The following PACRG variants were observed in gnomAD, a reference collection of about 807,000 sequenced individuals.
PACRG encodes parkin coregulated gene protein.
In PACRG, 29 loss-of-function variants were observed where a neutral mutation model predicts 29.7. The observed-to-expected ratio is 0.98, with a 90% CI of 0.73 to 1.33. PACRG has a LOEUF of 1.33. Among genes scored for constraint, PACRG ranks in the 40% most tolerant of loss-of-function variants. The probability of loss-of-function intolerance (pLI) is 0.00; values close to 1 mark genes in which losing one functional copy is unlikely to be tolerated. For missense variants in PACRG, 279 were observed against 316.2 expected, an observed-to-expected ratio of 0.88 and a Z score of 0.89; for synonymous variants, 116 against 118.7, an observed-to-expected ratio of 0.98 and a Z score of 0.15.
intron 2 of PACRG, among the ~76,000 whole-genome samples, chr6:162,987,566 T>C (rs1390654394): frequency 6.6e-6 from 1 of 152,148 alleles, no homozygotes. Context: ...CTACATACAC[T>C]CTCTTGCCTG....
chr6:163,186,511 C>A (rs1779942757), intron 4 of PACRG, among the ~76,000 whole-genome samples: 1 of 152,152 alleles, frequency 6.6e-6, no homozygotes, highest in Non-Finnish European at 1.5e-5. Context: ...GGTGGAGAGG[C>A]CTGTTTTGCC....
rs968278455 is a variant in PACRG, at chr6:163,055,126, G to A, written c.292-7024G>A. Among the ~76,000 whole-genome samples the A allele has an allele frequency of 1.3e-5, 2 of 152,176 alleles. No homozygotes were observed. Among genetic ancestry groups the A allele is most frequent in the Non-Finnish European group, 2.9e-5 (2 of 68,036 alleles). On this transcript the variant is annotated intron_variant, in intron 2 of 4. Coordinates refer to ENST00000366888, the MANE Select transcript of PACRG (RefSeq NM_001080379.2). This position sits in a 1 kb window ranked among gnomAD's most constrained non-coding sequence, Gnocchi z 4.0. ...TTAAAGAGGGAACGGGAATGAGGAA[G>A]CAAGGACAGTGATGATAAAGAATTC...
chr6:163,308,017 C>A (rs568889012), intron 4 of PACRG, among the ~76,000 whole-genome samples: 4 of 152,102 alleles, frequency 2.6e-5, no homozygotes, highest in Non-Finnish European at 5.9e-5. Context: ...TAAATTCAGT[C>A]CAAGCTAACC....
At chr6:162,984,703 T>A (rs1297294667) in intron 2 of PACRG, among the ~76,000 whole-genome samples, 1 of 152,022 alleles carries the variant, frequency 6.6e-6, no homozygotes, top group African/African-American at 2.4e-5. Context: ...ATGGCCATTC[T>A]TGCAGGAGTG....
chr6:163,180,152 C>T (rs1434700087), intron 4 of PACRG, among the ~76,000 whole-genome samples: 1 of 152,210 alleles, frequency 6.6e-6, no homozygotes, highest in African/African-American at 2.4e-5. Context: ...TGGCTGCTGA[C>T]CAGCATCTCT....
intron 2 of PACRG, among the ~76,000 whole-genome samples, chr6:162,939,896 T>C (rs1001909823): frequency 1.3e-5 from 2 of 152,226 alleles, no homozygotes; most frequent in African/African-American, 4.8e-5. Context: ...TTAAGAACCA[T>C]ACAGTAAATT....
intron 1 of PACRG, among the ~76,000 whole-genome samples, chr6:162,775,362 C>T (rs938944988): frequency 6.6e-6 from 1 of 152,176 alleles, no homozygotes; most frequent in African/African-American, 2.4e-5. Flanking sequence ...CTGTGCTTAC[C>T]TGTTACTAGT....
intron 4 of PACRG, among the ~76,000 whole-genome samples, chr6:163,269,941 AAGAAAG>A: frequency 3.0e-5 from 1 of 33,576 alleles, no homozygotes; most frequent in Admixed American, 2.6e-4. Context: ...CAAAGAAAGA[AAGAAAG>A]AAAGAAAGAA....
chr6:162,728,289 G>A lies in PACRG; in HGVS notation c.54G>A (p.Pro18=), dbSNP rs1779432653. The change falls in exon 1 of 5, where the codon CCG becomes CCA. Residue 18 remains proline, a synonymous_variant. Transcript: ENST00000366888. ...LSLNKCPDKM[P]KRTKLLAQQP... is the part of the protein sequence containing the mutation. ...TAAACAAATGCCCAGACAAGATGCC[G>A]AAGAGGACCAAGCTGCTGGCACAAC... The A allele has an allele frequency of 2.5e-6, 4 of 1,613,918 alleles. No individual in the cohort carries two copies. Among genetic ancestry groups the A allele is most frequent in the East Asian group, 2.2e-5 (1 of 44,888 alleles).
chr6:163,266,805 A>G (rs891011923), intron 4 of PACRG, among the ~76,000 whole-genome samples: 1 of 152,154 alleles, frequency 6.6e-6, no homozygotes, highest in African/African-American at 2.4e-5. Context: ...CTGATATCCC[A>G]GCCGTCAAAT....
intron 2 of PACRG, among the ~76,000 whole-genome samples, chr6:162,965,992 T>G (rs934062867): frequency 2.6e-5 from 4 of 152,294 alleles, no homozygotes; most frequent in South Asian, 2.1e-4. Context: ...GATACACCAA[T>G]GTGGATGGTT....
chr6:162,728,800 A>T (rs535497956), intron 1 of PACRG, among the ~76,000 whole-genome samples: 34 of 152,340 alleles, frequency 2.2e-4, no homozygotes, highest in Admixed American at 6.5e-5. Flanking sequence ...TACAACCGGG[A>T]ACATAAACTC....
At chr6:163,243,121 G>A (rs529868135) in intron 4 of PACRG, among the ~76,000 whole-genome samples, 20 of 152,202 alleles carry the variant, frequency 1.3e-4, no homozygotes, top group Non-Finnish European at 2.4e-4. Flanking sequence ...TAAGCAAGGC[G>A]TGGTCCAGGA....
chr6:162,826,165 C>A (rs528262487), intron 2 of PACRG, among the ~76,000 whole-genome samples: 1 of 152,148 alleles, frequency 6.6e-6, no homozygotes, highest in South Asian at 2.1e-4. Context: ...TTGTATTTCC[C>A]ATGGAAGTCC....
intron 2 of PACRG, among the ~76,000 whole-genome samples, chr6:162,936,485 G>A (rs1022424412): frequency 1.3e-5 from 2 of 152,150 alleles, no homozygotes; most frequent in African/African-American, 4.8e-5. Context: ...CAATTCCATT[G>A]AGCAAGCATT....
At chr6:163,054,890 C>G (rs923998591) in intron 2 of PACRG, among the ~76,000 whole-genome samples, 1 of 152,100 alleles carries the variant, frequency 6.6e-6, no homozygotes, top group Non-Finnish European at 1.5e-5. Context: ...AGGACCGCCT[C>G]CCCCCTGGCT....
intron 2 of PACRG, among the ~76,000 whole-genome samples, chr6:162,919,518 C>T (rs1224071360): frequency 6.6e-6 from 1 of 152,108 alleles, no homozygotes; most frequent in African/African-American, 2.4e-5. Flanking sequence ...AGTAGAGTTC[C>T]CAGCTAAGAG....
intron 3 of PACRG, among the ~76,000 whole-genome samples, chr6:163,064,227 A>G (rs1180653013): frequency 6.6e-6 from 1 of 152,204 alleles, no homozygotes; most frequent in Non-Finnish European, 1.5e-5. Flanking sequence ...CAATTAAAGC[A>G]TACCACACTG....
intron 4 of PACRG, among the ~76,000 whole-genome samples, chr6:163,196,352 C>T (rs1455916913): frequency 5.3e-5 from 8 of 152,176 alleles, no homozygotes; most frequent in Non-Finnish European, 8.8e-5. Flanking sequence ...TCACTCTTTT[C>T]GCCAACATGT....
Sources: allele counts gnomAD v4.1 joint callset (sites outside exome capture counted in the v4.1 genomes callset), GRCh38; gene constraint gnomAD v4.1.1; non-coding constraint Gnocchi (gnomAD v3.1); transcripts MANE v1.5; gene names NCBI Gene and HGNC (gene_info 2026-07-23, HGNC 2026-07-21).